ABL1: variants seen among roughly 807,000 people sequenced by gnomAD.
ABL1 encodes tyrosine-protein kinase ABL1.
In ABL1, 11 loss-of-function variants were observed where a neutral mutation model predicts 94.7. That is an observed-to-expected ratio of 0.12 (90% CI 0.07 to 0.19). The LOEUF (loss-of-function observed/expected upper bound fraction) is 0.19. Ranked by LOEUF, ABL1 falls within the 10% of genes least tolerant of loss-of-function variation. The pLI is 1.00. For synonymous variants in ABL1, 656 were observed against 622.4 expected (o/e 1.05, Z -0.80); for missense variants, 1,082 against 1,489.4 (o/e 0.73, Z 4.50).
rs951881953 is a variant in ABL1, at chr9:130,727,758, C to G, written c.136+13303C>G. Among the ~76,000 whole-genome samples, 344 of 134,730 alleles carry G rather than the reference C, an allele frequency of 2.6e-3. 34 individuals are homozygous for G. Among genetic ancestry groups the G allele is most frequent in the African/African-American group, 9.4e-3 (294 of 31,186 alleles). 88.4% of individuals were successfully genotyped at this position (134,730 alleles called of 152,430 possible). On this transcript the variant is annotated intron_variant, in intron 1 of 10. Transcript: ENST00000372348. ...GTGACAGAGTGAGACACCGCCCCCCCCCCCCAAAAAAAAGCATTTATTAGG... is the reference window on the plus strand; with the variant it reads ...GTGACAGAGTGAGACACCGCCCCCCGCCCCCAAAAAAAAGCATTTATTAGG...
At chr9:130,740,966 G>A (rs1361799385) in intron 1 of ABL1, among the ~76,000 whole-genome samples, 1 of 151,940 alleles carries the variant, frequency 6.6e-6, no homozygotes, top group Non-Finnish European at 1.5e-5. Context: ...ATCACTGTGA[G>A]GAGTAAACAG....
intron 1 of ABL1, among the ~76,000 whole-genome samples, chr9:130,744,404 G>T (rs1831858396): frequency 6.6e-6 from 1 of 151,250 alleles, no homozygotes; most frequent in Admixed American, 6.6e-5. Context: ...GCCTCCCAAA[G>T]TGCTGGGATT....
intron 1 of ABL1, among the ~76,000 whole-genome samples, chr9:130,720,350 G>A (rs1383518636): frequency 5.9e-5 from 9 of 152,162 alleles, no homozygotes; most frequent in African/African-American, 2.2e-4. Flanking sequence ...TGAGAGGGCG[G>A]CATTTGATTA....
intron 1 of ABL1, among the ~76,000 whole-genome samples, chr9:130,734,820 C>G (rs1177349008): frequency 6.6e-6 from 1 of 152,114 alleles, no homozygotes; most frequent in African/African-American, 2.4e-5. Context: ...CTGCGCCCAG[C>G]CTCTATTGAA....
Position 130,754,682 on chromosome 9 carries a change from G to GGC in ABL1, c.136+40227_136+40228insGC, listed in dbSNP as rs1554760472. Among the ~76,000 whole-genome samples, 37 of 151,684 alleles carry GGC rather than the reference G, an allele frequency of 2.4e-4. No homozygotes were observed. The South Asian group carries it at 2.9e-3, about 12-fold the overall frequency. Reference sequence around the variant, plus strand: ...TGAGAGCAATCAAGTAATGGGGGGGGCTTGGAAGCCAGTGATTATTGGTCA... The same window carrying GGC: ...TGAGAGCAATCAAGTAATGGGGGGGGGCCTTGGAAGCCAGTGATTATTGGTCA... On this transcript the variant is annotated intron_variant, in intron 1 of 10. Transcript: ENST00000372348.
chr9:130,760,420 T>C (rs1832096238), intron 1 of ABL1, among the ~76,000 whole-genome samples: 1 of 152,220 alleles, frequency 6.6e-6, no homozygotes, highest in Admixed American at 6.5e-5. Context: ...CCTGGATTTC[T>C]TTCAGTTATC....
intron 1 of ABL1, among the ~76,000 whole-genome samples, chr9:130,798,701 A>G (rs11244145): frequency 0.23 from 35,057 of 151,834 alleles, 5,084 homozygotes; most frequent in African/African-American, 0.42. Flanking sequence ...GGGCATGGTG[A>G]CTCACGCCTG....
intron 1 of ABL1, among the ~76,000 whole-genome samples, chr9:130,780,208 AC>A (rs1829738483): frequency 6.6e-6 from 1 of 152,084 alleles, no homozygotes; most frequent in Non-Finnish European, 1.5e-5. Flanking sequence ...AATCGCTTGA[AC>A]CCAGGCAGCA....
At chr9:130,804,455 A>G (rs1830099372) in intron 1 of ABL1, among the ~76,000 whole-genome samples, 1 of 152,094 alleles carries the variant, frequency 6.6e-6, no homozygotes, top group African/African-American at 2.4e-5. Flanking sequence ...CGTGTGGCGC[A>G]TGCCTGTAAT....
chr9:130,784,179 A>G (rs1362968405), intron 1 of ABL1, among the ~76,000 whole-genome samples: 3 of 152,238 alleles, frequency 2.0e-5, no homozygotes, highest in South Asian at 2.1e-4. Flanking sequence ...TAATTGGCAC[A>G]TGATTTAGTG....
chr9:130,806,001 C>T (rs1381285316), intron 1 of ABL1, among the ~76,000 whole-genome samples: 1 of 152,104 alleles, frequency 6.6e-6, no homozygotes, highest in Non-Finnish European at 1.5e-5. Flanking sequence ...TTATACCAGT[C>T]AGAGAGAGAT....
In ABL1 at chr9:130,872,908, C is replaced by T; in HGVS notation, c.956C>T (p.Thr319Ile). Residue 319 changes from threonine to isoleucine, a missense_variant, in exon 6 of 11, where the codon ACC (threonine) becomes ATC (isoleucine). Transcript: ENST00000318560. The surrounding 1 kb of genome is among the most constrained non-coding windows in gnomAD (Gnocchi z 5.0). ...TTCTATATCATCACTGAGTTCATGA[C>T]CTACGGGAACCTCCTGGACTACCTG... The part of the protein sequence containing the change: ...PPFYIITEFM[T>I]YGNLLDYLRE... The T allele has an allele frequency of 6.2e-7, 1 of 1,614,146 alleles. No homozygotes were observed.
intron 1 of ABL1, among the ~76,000 whole-genome samples, chr9:130,778,705 C>T (rs1299333232): frequency 1.3e-5 from 2 of 151,414 alleles, no homozygotes; most frequent in African/African-American, 4.9e-5. Flanking sequence ...ATGACAGCTT[C>T]TCTGTTCTCA....
intron 7 of ABL1, 101 bp from the exon 8 acceptor site, chr9:130,878,314 C>T (rs1831387103): frequency 1.5e-6 from 2 of 1,374,990 alleles, no homozygotes; most frequent in East Asian, 2.3e-5. Flanking sequence ...GCTGCTGGGG[C>T]CATCCCTTCT....
chr9:130,821,896 A>G (rs1588253025), intron 1 of ABL1, among the ~76,000 whole-genome samples: 1 of 149,434 alleles, frequency 6.7e-6, no homozygotes, highest in African/African-American at 2.5e-5. Flanking sequence ...GCTGGAGTGC[A>G]GTGCGCGATC....
intron 1 of ABL1, among the ~76,000 whole-genome samples, chr9:130,811,557 A>G (rs904705990): frequency 2.6e-5 from 4 of 152,132 alleles, no homozygotes; most frequent in African/African-American, 7.2e-5. Context: ...TATAATGTCA[A>G]TTGAAGGTAG....
At chr9:130,716,594 T>C (rs1448169598) in intron 1 of ABL1, among the ~76,000 whole-genome samples, 1 of 152,208 alleles carries the variant, frequency 6.6e-6, no homozygotes, top group East Asian at 1.9e-4. Flanking sequence ...CTAGCCACTT[T>C]TTTCATGGAC....
intron 1 of ABL1, among the ~76,000 whole-genome samples, chr9:130,782,225 A>AT (rs1314224841): frequency 6.6e-6 from 1 of 151,672 alleles, no homozygotes; most frequent in Non-Finnish European, 1.5e-5. Context: ...TGCCTGGCCA[A>AT]TTTTTTTGTA....
Position 130,887,152 on chromosome 9 carries a change from G to A in ABL1, c.*1469G>A. 1 of 233,326 alleles carries A rather than the reference G, an allele frequency of 4.3e-6. No individual in the cohort carries two copies. Among genetic ancestry groups the A allele is most frequent in the Non-Finnish European group, 8.5e-6 (1 of 118,060 alleles). The allele number at this position is 233,326 out of a possible 1,614,324, so 14.5% of individuals were successfully genotyped here. ...CCGCCCCTGAGGCTTCACGCCGGGA[G>A]AAGCCACCTTCCCACCCCTTCATAC... On this transcript the variant is annotated 3_prime_UTR_variant, in exon 11 of 11. Transcript: ENST00000318560.
Sources: gnomAD v4.1 joint callset for allele counts (sites outside exome capture counted in the v4.1 genomes callset) on GRCh38, gnomAD v4.1.1 for gene constraint, Gnocchi (gnomAD v3.1) non-coding constraint, MANE v1.5 for transcripts, NCBI Gene and HGNC (gene_info 2026-07-23, HGNC 2026-07-21) for gene names.